Variants in SYT7 observed in about 807,000 individuals in gnomAD.
The protein encoded by SYT7 is synaptotagmin-7.
Under a neutral mutation model 75.1 loss-of-function variants are expected in SYT7, and 29 were observed. That is an observed-to-expected ratio of 0.39 (90% CI 0.29 to 0.53). The LOEUF (loss-of-function observed/expected upper bound fraction) is 0.53, where lower values mean the gene tolerates loss of function less well. Ranked by LOEUF, SYT7 falls within the 20% of genes least tolerant of loss-of-function variation. The probability of loss-of-function intolerance (pLI) is 0.77; values close to 1 mark genes in which losing one functional copy is unlikely to be tolerated. For synonymous variants in SYT7, 376 were observed against 401.7 expected (o/e 0.94, Z 0.76); for missense variants, 693 against 953.2 (o/e 0.73, Z 3.59).
intron 1 of SYT7, among the ~76,000 whole-genome samples, chr11:61,565,234 C>A (rs544771024): frequency 6.6e-6 from 1 of 152,128 alleles, no homozygotes; most frequent in Non-Finnish European, 1.5e-5. Flanking sequence ...ACCCTCCATG[C>A]GCATGCTGAG....
rs1026775286 is a variant in SYT7, at chr11:61,513,996, G to A, written c.*4631C>T. Among the ~76,000 whole-genome samples the A allele has an allele frequency of 2.0e-5, 3 of 152,092 alleles. No individual in the cohort carries two copies. Among genetic ancestry groups the A allele is most frequent in the African/African-American group, 7.2e-5 (3 of 41,390 alleles). On this transcript the variant is annotated 3_prime_UTR_variant, in exon 13 of 13. Coordinates refer to ENST00000539008, the MANE Select transcript of SYT7 (RefSeq NM_001365809.2). ...CAGGACAGCCTTCCAGAAAGCAGCA[G>A]TATCCAGGGGGGGACTCACAGGAGA...
rs905165035 is a variant in SYT7 at position 61,515,343 on chromosome 11, C to T, written c.*3284G>A. On this transcript the variant is annotated 3_prime_UTR_variant, in exon 13 of 13. Coordinates refer to ENST00000539008, the MANE Select transcript of SYT7 (RefSeq NM_001365809.2). ...TTTCACGATCCTTTATTAATCAGAA[C>T]AGGCCTTGCCACAAAAAGCAGGGCC... 5 of 152,208 alleles carry T rather than the reference C, an allele frequency of 3.3e-5. No individual in the cohort carries two copies. The highest frequency in any genetic ancestry group is 7.3e-5 in the Non-Finnish European group (5 of 68,034). The allele number at this position is 152,208 out of a possible 1,614,324, so 9.4% of individuals were successfully genotyped here.
intron 7 of SYT7, among the ~76,000 whole-genome samples, chr11:61,534,841 C>T (rs920694640): frequency 2.8e-5 from 4 of 145,130 alleles, no homozygotes; most frequent in African/African-American, 1.1e-4. Flanking sequence ...GCACGCACCA[C>T]ATACACACAC....
Position 61,580,765 on chromosome 11 carries a change from C to T in SYT7, c.31+25G>A. On this transcript the variant is annotated intron_variant, in intron 1 of 12. Coordinates refer to ENST00000539008, the MANE Select transcript of SYT7 (RefSeq NM_001365809.2). This position sits in a 1 kb window ranked among gnomAD's most constrained non-coding sequence, Gnocchi z 6.1. The stretch of plus-strand genomic sequence containing the variant: ...TGTCCTGCCCGCCGGTGCGGGGCGC[C>T]CCAGCCCGCCGGGGCCGCGCTTACC... The T allele has an allele frequency of 8.0e-6, 10 of 1,247,704 alleles. No homozygotes were observed. Among genetic ancestry groups the T allele is most frequent in the Middle Eastern group, 3.1e-4 (1 of 3,224 alleles). The allele number at this position is 1,247,704 out of a possible 1,614,324, so 77.3% of individuals were successfully genotyped here.
At chr11:61,573,359 G>A (rs1565210281) in intron 1 of SYT7, among the ~76,000 whole-genome samples, 2 of 152,302 alleles carry the variant, frequency 1.3e-5, no homozygotes, top group African/African-American at 2.4e-5. Context: ...ACCTGCATCC[G>A]GCTACCCCCT....
At chr11:61,522,730 A>G (rs114450541) in intron 12 of SYT7, among the ~76,000 whole-genome samples, 2,030 of 152,230 alleles carry the variant, frequency 0.013, 24 homozygotes, top group South Asian at 0.061. Context: ...CCCTGTGCAG[A>G]TGGGACCCCG....
At chr11:61,575,027 A>G (rs1180949183) in intron 1 of SYT7, among the ~76,000 whole-genome samples, 1 of 151,708 alleles carries the variant, frequency 6.6e-6, no homozygotes, top group Non-Finnish European at 1.5e-5. Context: ...TCCACCAACC[A>G]GCTAGGACTA....
At chr11:61,544,622 G>T (rs2063134372) in intron 5 of SYT7, among the ~76,000 whole-genome samples, 1 of 152,260 alleles carries the variant, frequency 6.6e-6, no homozygotes, top group African/African-American at 2.4e-5. Context: ...ACCTCATTTT[G>T]GTTTCCTATC....
In SYT7 at chr11:61,551,871, C is replaced by A. The variant is rs1169007208; in HGVS notation, c.136-408G>T. Among the ~76,000 whole-genome samples, 5 of 152,144 alleles carry A rather than the reference C, an allele frequency of 3.3e-5. No homozygotes were observed. The highest frequency in any genetic ancestry group is 5.9e-5 in the Non-Finnish European group (4 of 68,006). ...CCCAGATGGTGGGGGTGGCATCCTG[C>A]AGGGCAAGGTTGGCAGTGGCCAGTG... On this transcript the variant is annotated intron_variant, in intron 2 of 12. Transcript: ENST00000539008. This position sits in a 1 kb window ranked among gnomAD's most constrained non-coding sequence, Gnocchi z 5.3.
rs987863935 is a variant in SYT7, at chr11:61,514,781, A to G, written c.*3846T>C. On this transcript the variant is annotated 3_prime_UTR_variant, in exon 13 of 13. Transcript: ENST00000539008. ...GAAGAGACTTTTCTAATCCTAAAGA[A>G]TGAAACTAGAAGAGGGCTGAGAGAA... 1.3e-5 allele frequency among the ~76,000 whole-genome samples: 2 copies of G among 152,206 alleles called. No homozygotes were observed. Among genetic ancestry groups the G allele is most frequent in the Non-Finnish European group, 1.5e-5 (1 of 68,034 alleles).
intron 12 of SYT7, among the ~76,000 whole-genome samples, chr11:61,522,611 C>T (rs1417221624): frequency 6.6e-6 from 1 of 152,088 alleles, no homozygotes; most frequent in Non-Finnish European, 1.5e-5. Flanking sequence ...TTGGAGAGGC[C>T]GAGCCACTTG....
In SYT7 at chr11:61,546,330, G is replaced by T; in HGVS notation, c.348-75C>A. The T allele has an allele frequency of 9.7e-7, 1 of 1,027,386 alleles. No homozygotes were observed. Among genetic ancestry groups the T allele is most frequent in the Non-Finnish European group, 1.3e-6 (1 of 743,142 alleles). The allele number at this position is 1,027,386 out of a possible 1,614,324, so 63.6% of individuals were successfully genotyped here. ...GTGGGGGAGAGAGGGCAGGCCATAC[G>T]TGGGGGTCGGGGGGTGGAAGAGGAA... On this transcript the variant is annotated intron_variant, in intron 4 of 12. Coordinates refer to ENST00000539008, the MANE Select transcript of SYT7 (RefSeq NM_001365809.2). The surrounding 1 kb of genome is among the most constrained non-coding windows in gnomAD (Gnocchi z 7.6).
intron 1 of SYT7, among the ~76,000 whole-genome samples, chr11:61,557,478 C>T (rs1048548016): frequency 1.3e-5 from 2 of 152,194 alleles, no homozygotes; most frequent in African/African-American, 4.8e-5. Flanking sequence ...TGACTCTCAT[C>T]AGCTCTCAGG....
intron 8 of SYT7, among the ~76,000 whole-genome samples, chr11:61,529,100 C>T (rs2062623611): frequency 6.6e-6 from 1 of 152,160 alleles, no homozygotes; most frequent in African/African-American, 2.4e-5. Context: ...GCCTGAGCCC[C>T]AGACCACTGA....
intron 1 of SYT7, among the ~76,000 whole-genome samples, chr11:61,561,888 G>A (rs955547517): frequency 1.3e-5 from 2 of 152,118 alleles, no homozygotes; most frequent in Non-Finnish European, 2.9e-5. Context: ...AATGTTCAAT[G>A]CTTGTATATG....
chr11:61,567,702 C>T (rs899272052), intron 1 of SYT7, among the ~76,000 whole-genome samples: 2 of 152,242 alleles, frequency 1.3e-5, no homozygotes, highest in Non-Finnish European at 2.9e-5. Context: ...CGCACTGCCT[C>T]CTGGTGGCTG....
At chr11:61,569,933 G>A (rs1415107295) in intron 1 of SYT7, among the ~76,000 whole-genome samples, 1 of 152,190 alleles carries the variant, frequency 6.6e-6, no homozygotes. Flanking sequence ...ATGATGGCAG[G>A]CCACCAGCCG....
At chr11:61,533,763 A>G (rs976658303) in intron 7 of SYT7, 1 of 752,482 alleles carries the variant, frequency 1.3e-6, no homozygotes, top group Non-Finnish European at 1.6e-6. Flanking sequence ...AGCATTTGCA[A>G]TGTGGCCAGT....
At chr11:61,555,445 G>C (rs1023472638) in intron 2 of SYT7, among the ~76,000 whole-genome samples, 1 of 152,252 alleles carries the variant, frequency 6.6e-6, no homozygotes, top group African/African-American at 2.4e-5. Flanking sequence ...GCGATGCGGG[G>C]CGGGCGGCTC....
Sources: allele counts gnomAD v4.1 joint callset (sites outside exome capture counted in the v4.1 genomes callset), GRCh38; gene constraint gnomAD v4.1.1; non-coding constraint Gnocchi (gnomAD v3.1); transcripts MANE v1.5; gene names NCBI Gene and HGNC (gene_info 2026-07-23, HGNC 2026-07-21).